Variants in MPP7 observed in about 807,000 individuals in gnomAD.
MPP7 encodes MAGUK p55 subfamily member 7.
A neutral mutation model predicts 76.5 loss-of-function variants in MPP7; 60 were observed. The ratio of observed to expected loss-of-function variants is 0.78; its 90% CI spans 0.64 to 0.97. MPP7 has a LOEUF of 0.97. Ranked by LOEUF, MPP7 falls within the 50% of genes least tolerant of loss-of-function variation. The pLI is 0.00. For synonymous variants in MPP7, 237 were observed against 244.5 expected (o/e 0.97, Z 0.29); for missense variants, 641 against 694.0 (o/e 0.92, Z 0.86).
intron 1 of MPP7, among the ~76,000 whole-genome samples, chr10:28,242,626 A>C (rs1041112822): frequency 1.1e-4 from 16 of 152,232 alleles, no homozygotes; most frequent in African/African-American, 3.4e-4. Context: ...CCATGAAGTC[A>C]AACTATTTTC....
chr10:28,065,573 G>A (rs1851957236), intron 13 of MPP7, among the ~76,000 whole-genome samples: 1 of 152,110 alleles, frequency 6.6e-6, no homozygotes, highest in Non-Finnish European at 1.5e-5. Flanking sequence ...CTCCATCACA[G>A]CTCACTGAGT....
chr10:28,284,231 A>G (rs1179316697), intron 1 of MPP7, among the ~76,000 whole-genome samples: 2 of 152,248 alleles, frequency 1.3e-5, no homozygotes, highest in African/African-American at 4.8e-5. Context: ...AGTGTCACCA[A>G]GATCCCTGCT....
intron 1 of MPP7, among the ~76,000 whole-genome samples, chr10:28,290,589 C>T (rs776173017): frequency 2.6e-5 from 4 of 152,188 alleles, no homozygotes; most frequent in Non-Finnish European, 4.4e-5. Flanking sequence ...TCTCCTGTCT[C>T]GGCCTCCCGA....
chr10:28,332,218 C>T lies in MPP7; in HGVS notation c.-206+2200G>A, dbSNP rs147620099. Among the ~76,000 whole-genome samples the T allele has an allele frequency of 2.1e-4, 31 of 147,672 alleles. No individual in the cohort carries two copies. The East Asian group carries it at 3.3e-3, about 16-fold the overall frequency. On this transcript the variant is annotated intron_variant, in intron 1 of 11. Coordinates refer to the MPP7 transcript ENST00000441595. ...AGCAACTTAGATAATGTTTGAGACA[C>T]GTACATTGCCAGTTTGTCAAATGTA...
At chr10:28,150,210 A>T (rs948174924) in intron 3 of MPP7, 151 bp from the exon 4 acceptor site, 1 of 602,956 alleles carries the variant, frequency 1.7e-6, no homozygotes, top group South Asian at 2.1e-5. Flanking sequence ...ATGTTTGTAC[A>T]TGCTAATATA....
At chr10:28,267,293 A>C (rs533529463) in intron 1 of MPP7, among the ~76,000 whole-genome samples, 1 of 152,346 alleles carries the variant, frequency 6.6e-6, no homozygotes, top group East Asian at 1.9e-4. Context: ...CCATTCAGTA[A>C]GTTAACAAAT....
At chr10:28,262,141 C>T (rs1839970394) in intron 1 of MPP7, among the ~76,000 whole-genome samples, 1 of 142,878 alleles carries the variant, frequency 7.0e-6, no homozygotes, top group Non-Finnish European at 1.5e-5. Flanking sequence ...CAGAGCAAGA[C>T]TCTGTCTCAA....
intron 1 of MPP7, among the ~76,000 whole-genome samples, chr10:28,241,817 G>T (rs768473891): frequency 2.0e-5 from 3 of 152,080 alleles, no homozygotes; most frequent in Non-Finnish European, 2.9e-5. Context: ...GCTTATTTTT[G>T]AAATTTCATT....
chr10:28,199,889 C>A (rs1254295432), intron 3 of MPP7, among the ~76,000 whole-genome samples: 1 of 151,882 alleles, frequency 6.6e-6, no homozygotes. Flanking sequence ...AACACACACA[C>A]ACACACACAC....
intron 2 of MPP7, among the ~76,000 whole-genome samples, chr10:28,222,403 T>C (rs1401946242): frequency 1.3e-5 from 2 of 152,122 alleles, no homozygotes; most frequent in East Asian, 3.9e-4. Flanking sequence ...GAGGATCACC[T>C]GGGCCTGGGA....
intron 3 of MPP7, among the ~76,000 whole-genome samples, chr10:28,164,459 G>A (rs1588872352): frequency 6.6e-6 from 1 of 152,114 alleles, no homozygotes; most frequent in South Asian, 2.1e-4. Flanking sequence ...GTGGAGGGCT[G>A]CAACAGGGGA....
chr10:28,074,418 C>T (rs529683301), intron 12 of MPP7, among the ~76,000 whole-genome samples: 58 of 152,230 alleles, frequency 3.8e-4, no homozygotes, highest in African/African-American at 1.3e-3. Context: ...ATGCCTCAGG[C>T]TCTTGAGTAG....
At chr10:28,108,095 A>C (rs1344519679) in intron 11 of MPP7, among the ~76,000 whole-genome samples, 2 of 152,240 alleles carry the variant, frequency 1.3e-5, no homozygotes, top group African/African-American at 4.8e-5. Context: ...AAGACACAGT[A>C]CAAATATTCT....
intron 12 of MPP7, 101 bp from the exon 13 acceptor site, chr10:28,069,953 A>AT: frequency 1.4e-6 from 1 of 738,152 alleles, no homozygotes; most frequent in Non-Finnish European, 2.3e-6. Flanking sequence ...ACATGGATCC[A>AT]GCTTTGCATC....
At position 28,069,805 on chromosome 10, in the gene MPP7, T is replaced by C; in HGVS notation, c.1171A>G (p.Ser391Gly). 2.5e-6 allele frequency: 4 copies of C among 1,614,058 alleles called. No homozygotes were observed. Among genetic ancestry groups the C allele is most frequent in the Non-Finnish European group, 3.4e-6 (4 of 1,179,988 alleles). ...LNELKRKLLISDTQHYGVTVP... is the reference protein window; with the variant it reads ...LNELKRKLLIGDTQHYGVTVP... ...GTCACGCCATAGTGCTGGGTGTCAC[T>C]GATCAGCAGCTTTCGTTTCAGTTCA... The change falls in exon 13 of 17, where the codon AGT becomes GGT. Residue 391 changes from serine to glycine, a missense_variant. Ser to Gly is a moderately conservative substitution (Grantham distance 56). Coordinates refer to ENST00000683449, the MANE Select transcript of MPP7 (RefSeq NM_001318170.2).
chr10:28,300,819 C>T (rs1426325300), intron 1 of MPP7, among the ~76,000 whole-genome samples: 3 of 151,092 alleles, frequency 2.0e-5, no homozygotes, highest in Non-Finnish European at 2.9e-5. Context: ...AATAGCTGGG[C>T]GTGGTGGCAT....
intron 2 of MPP7, among the ~76,000 whole-genome samples, chr10:28,218,401 CGT>C (rs1361381877): frequency 3.3e-5 from 5 of 152,110 alleles, no homozygotes; most frequent in Non-Finnish European, 7.4e-5. Flanking sequence ...GCAGCAAAAT[CGT>C]GTGTGGAAGA....
intron 11 of MPP7, among the ~76,000 whole-genome samples, chr10:28,091,702 C>T (rs1853313926): frequency 6.6e-6 from 1 of 152,296 alleles, no homozygotes; most frequent in Admixed American, 6.5e-5. Flanking sequence ...TGGGTTCCAT[C>T]CATGTGGATT....
chr10:28,098,887 C>A (rs188023038), intron 11 of MPP7, among the ~76,000 whole-genome samples: 73 of 151,586 alleles, frequency 4.8e-4, no homozygotes, highest in African/African-American at 1.7e-3. Context: ...AGAGAGAGAA[C>A]CAGAAGTCTC....
Sources: allele counts gnomAD v4.1 joint callset (sites outside exome capture counted in the v4.1 genomes callset), GRCh38; gene constraint gnomAD v4.1.1; transcripts MANE v1.5; gene names NCBI Gene and HGNC (gene_info 2026-07-23, HGNC 2026-07-21).